DNAH7: variants seen among roughly 807,000 people sequenced by gnomAD.
DNAH7 encodes the protein dynein axonemal heavy chain 7.
Under a neutral mutation model 444.6 loss-of-function variants are expected in DNAH7, and 397 were observed. That is an observed-to-expected ratio of 0.89 (90% confidence interval 0.82 to 0.97). The LOEUF is 0.97. Among genes scored for constraint, DNAH7 ranks in the 50% least tolerant of loss-of-function variants. The pLI is 0.00. For missense variants in DNAH7, 4,902 were observed against 4,800.8 expected (o/e 1.02, Z -0.62); for synonymous variants, 1,636 against 1,624.4 (o/e 1.01, Z -0.17).
At chr2:195,937,620 C>T (rs1430027694) in intron 19 of DNAH7, among the ~76,000 whole-genome samples, 1 of 151,968 alleles carries the variant, frequency 6.6e-6, no homozygotes, top group African/African-American at 2.4e-5. Flanking sequence ...CAGTAACCAC[C>T]AAGTTTATGA....
chr2:195,775,259 T>C (rs1695009998), intron 60 of DNAH7, among the ~76,000 whole-genome samples: 1 of 152,230 alleles, frequency 6.6e-6, no homozygotes, highest in Non-Finnish European at 1.5e-5. Context: ...GCTTATGCAC[T>C]CTCCAGGAGA....
chr2:195,838,017 G>T (rs1559133604), intron 47 of DNAH7, among the ~76,000 whole-genome samples: 1 of 152,126 alleles, frequency 6.6e-6, no homozygotes, highest in Non-Finnish European at 1.5e-5. Context: ...AAGACCTGAA[G>T]CTGTGCATGC....
chr2:195,827,179 A>C (rs1440336950), intron 48 of DNAH7, among the ~76,000 whole-genome samples: 1 of 152,252 alleles, frequency 6.6e-6, no homozygotes, highest in Non-Finnish European at 1.5e-5. Flanking sequence ...AGGAACAACC[A>C]GCACTCATTG....
At position 195,910,018 on chromosome 2, in the gene DNAH7, A is replaced by G. The variant is rs1687262954; in HGVS notation, c.4104+9T>C. ...TCCTGTTGTAAAGAAATGAGGAGTT[A>G]ATTCAAACCTTAAAGAATTTTCCCA... On this transcript the variant is annotated intron_variant, in intron 25 of 64. Coordinates refer to ENST00000312428, the MANE Select transcript of DNAH7 (RefSeq NM_018897.3). 1 of 1,609,184 alleles carries G rather than the reference A, an allele frequency of 6.2e-7. No homozygotes were observed. Among genetic ancestry groups the G allele is most frequent in the African/African-American group, 1.3e-5 (1 of 74,760 alleles).
intron 28 of DNAH7, among the ~76,000 whole-genome samples, chr2:195,899,453 C>A (rs1049621839): frequency 1.3e-5 from 2 of 152,156 alleles, no homozygotes; most frequent in African/African-American, 4.8e-5. Context: ...TCCTGACATG[C>A]CAACTTAATA....
intron 63 of DNAH7, among the ~76,000 whole-genome samples, chr2:195,745,578 G>A (rs1693346751): frequency 6.6e-6 from 1 of 152,154 alleles, no homozygotes; most frequent in South Asian, 2.1e-4. Context: ...TGGAAATGAA[G>A]GAAAAAATCT....
At chr2:196,020,789 T>G (rs1695333914) in intron 8 of DNAH7, among the ~76,000 whole-genome samples, 1 of 152,214 alleles carries the variant, frequency 6.6e-6, no homozygotes, top group Admixed American at 6.5e-5. Flanking sequence ...TTTTGTATTT[T>G]CAGTAGAGAC....
chr2:195,872,118 C>T, intron 40 of DNAH7, 132 bp downstream of exon 40: 2 of 693,920 alleles, frequency 2.9e-6, no homozygotes, highest in Non-Finnish European at 2.3e-6. Flanking sequence ...TTTCTGAACA[C>T]TGGCCTTCAA....
At chr2:195,936,860 ATATTT>A in intron 19 of DNAH7, 68 bp from the exon 20 acceptor site, 1 of 1,160,674 alleles carries the variant, frequency 8.6e-7, no homozygotes, top group Admixed American at 3.2e-5. Context: ...TATTCATATT[ATATTT>A]GAGATTATAT....
chr2:196,051,645 T>C (rs1575107631), intron 2 of DNAH7, among the ~76,000 whole-genome samples: 1 of 152,046 alleles, frequency 6.6e-6, no homozygotes. Flanking sequence ...TGGGTGCCTG[T>C]AGTCCCAGCT....
Position 195,808,680 on chromosome 2 carries a change from A to T in DNAH7, c.10083+2T>A, listed in dbSNP as rs763332170. 5.0e-6 allele frequency: 8 copies of T among 1,613,554 alleles called. No homozygotes were observed. The African/African-American group carries it at 8.0e-5, about 16-fold the overall frequency. On this transcript the variant is annotated splice_donor_variant, in intron 53 of 64. Coordinates refer to ENST00000312428, the MANE Select transcript of DNAH7 (RefSeq NM_018897.3). LOFTEE classifies it high-confidence loss of function. The stretch of plus-strand genomic sequence containing the variant: ...GGAATAAGTGAGAGGGTTAAAACAT[A>T]CCAAACTATCATATACTTTCTTCCA...
chr2:195,820,886 G>C (rs539064298), intron 49 of DNAH7, among the ~76,000 whole-genome samples: 2 of 152,256 alleles, frequency 1.3e-5, no homozygotes, highest in South Asian at 4.1e-4. Flanking sequence ...TTATTCAAAA[G>C]ATTTATTTGC....
chr2:196,030,478 C>T (rs1433534116), intron 5 of DNAH7, among the ~76,000 whole-genome samples: 5 of 152,186 alleles, frequency 3.3e-5, no homozygotes, highest in African/African-American at 9.7e-5. Context: ...ACCTTCCCAA[C>T]GGTCTCCTAA....
intron 50 of DNAH7, among the ~76,000 whole-genome samples, chr2:195,817,375 CA>C (rs1413756132): frequency 6.6e-6 from 1 of 152,142 alleles, no homozygotes; most frequent in Non-Finnish European, 1.5e-5. Context: ...TACCATGCTC[CA>C]GTAAAAACAG....
chr2:195,866,072 C>T lies in DNAH7; in HGVS notation c.6634-1051G>A, dbSNP rs567969506. ...ATGCTATAAATAATGCATATTTCGT[C>T]AGTGGAACGTTGGATCCTTACTCTG... On this transcript the variant is annotated intron_variant, in intron 40 of 64. Transcript: ENST00000312428. Among the ~76,000 whole-genome samples, 17 of 152,314 alleles carry T rather than the reference C, an allele frequency of 1.1e-4. No individual in the cohort carries two copies. In the South Asian group the frequency reaches 3.5e-3, roughly 32 times the overall value.
At chr2:195,904,887 AG>A (rs1686921525) in intron 27 of DNAH7, 1 of 152,116 alleles carries the variant, frequency 6.6e-6, no homozygotes, top group African/African-American at 2.4e-5. Flanking sequence ...TTATTTTTTA[AG>A]GAATATGTAA....
intron 21 of DNAH7, among the ~76,000 whole-genome samples, chr2:195,927,741 C>G (rs1559233718): frequency 6.6e-6 from 1 of 150,960 alleles, no homozygotes; most frequent in Non-Finnish European, 1.5e-5. Context: ...CTATGTTTAC[C>G]ATATTATATA....
At chr2:195,867,107 T>C (rs924413744) in intron 40 of DNAH7, among the ~76,000 whole-genome samples, 3 of 152,168 alleles carry the variant, frequency 2.0e-5, no homozygotes, top group Non-Finnish European at 2.9e-5. Context: ...AGCATGAAAA[T>C]GGACTAATAC....
intron 5 of DNAH7, among the ~76,000 whole-genome samples, chr2:196,028,296 C>CT (rs1458563142): frequency 1.3e-5 from 2 of 152,148 alleles, no homozygotes; most frequent in African/African-American, 2.4e-5. Context: ...CCTTGATGGC[C>CT]TTTACTTATT....
Sources: gnomAD v4.1 joint callset for allele counts (sites outside exome capture counted in the v4.1 genomes callset) on GRCh38, gnomAD v4.1.1 for gene constraint, MANE v1.5 for transcripts, NCBI Gene and HGNC (gene_info 2026-07-23, HGNC 2026-07-21) for gene names.